SPAG17: variants seen among roughly 807,000 people sequenced by gnomAD.
SPAG17 encodes sperm associated antigen 17.
A neutral mutation model predicts 273.6 loss-of-function variants in SPAG17; 169 were observed. That is an observed-to-expected ratio of 0.62 (90% CI 0.55 to 0.70). The LOEUF is 0.70. Ranked by LOEUF, SPAG17 falls within the 30% of genes least tolerant of loss-of-function variation. SPAG17 has a pLI of 0.00. For synonymous variants in SPAG17, 825 were observed against 873.2 expected (o/e 0.94, Z 0.97); for missense variants, 2,557 against 2,627.8 (o/e 0.97, Z 0.59).
intron 1 of SPAG17, among the ~76,000 whole-genome samples, chr1:118,174,296 CAG>C (rs1373668353): frequency 1.3e-5 from 2 of 151,948 alleles, no homozygotes; most frequent in Non-Finnish European, 2.9e-5. Flanking sequence ...AGGGACCAAA[CAG>C]AAATTCATGA....
chr1:118,119,859 T>C (rs1054815783), intron 3 of SPAG17, among the ~76,000 whole-genome samples: 41 of 152,194 alleles, frequency 2.7e-4, no homozygotes, highest in Non-Finnish European at 5.0e-4. Flanking sequence ...ATACTATTCA[T>C]ATTAAGTGCT....
At chr1:118,008,720 T>C (rs980362364) in intron 30 of SPAG17, among the ~76,000 whole-genome samples, 7 of 152,314 alleles carry the variant, frequency 4.6e-5, no homozygotes, top group South Asian at 2.1e-4. Flanking sequence ...TATGTATTTA[T>C]GTAATTACTG....
At chr1:118,048,107 C>T (rs1171071596) in intron 20 of SPAG17, among the ~76,000 whole-genome samples, 2 of 152,100 alleles carry the variant, frequency 1.3e-5, no homozygotes, top group East Asian at 1.9e-4. Flanking sequence ...AGGCTGGTGC[C>T]GAAAGCCCCA....
At chr1:118,122,021 C>T (rs1657450277) in intron 3 of SPAG17, among the ~76,000 whole-genome samples, 1 of 151,972 alleles carries the variant, frequency 6.6e-6, no homozygotes, top group African/African-American at 2.4e-5. Flanking sequence ...GCTATGTTGC[C>T]ATATATTCTA....
chr1:117,962,134 T>C (rs937994941), intron 48 of SPAG17: 7 of 152,038 alleles, frequency 4.6e-5, no homozygotes, highest in Non-Finnish European at 7.4e-5. Flanking sequence ...AAAAGCCTGA[T>C]AGTGCTAGGG....
chr1:117,970,358 T>C (rs1654415871), intron 45 of SPAG17, among the ~76,000 whole-genome samples: 1 of 152,234 alleles, frequency 6.6e-6, no homozygotes, highest in South Asian at 2.1e-4. Context: ...TTCAACCCTT[T>C]GTTACTGGTT....
chr1:118,041,365 T>C (rs755049192), intron 21 of SPAG17, among the ~76,000 whole-genome samples: 2 of 151,910 alleles, frequency 1.3e-5, no homozygotes, highest in Non-Finnish European at 2.9e-5. Context: ...GTTTCCCTCA[T>C]AACAGCTAGC....
At chr1:118,170,536 G>T (rs1442980946) in intron 1 of SPAG17, among the ~76,000 whole-genome samples, 1 of 152,046 alleles carries the variant, frequency 6.6e-6, no homozygotes, top group African/African-American at 2.4e-5. Flanking sequence ...AAAAGAGAGA[G>T]ATAAGTCATC....
At chr1:117,957,019 A>T in intron 48 of SPAG17, 1 of 1,486,246 alleles carries the variant, frequency 6.7e-7, no homozygotes, top group Non-Finnish European at 9.0e-7. Flanking sequence ...TGACCATGTT[A>T]ACAACGTTAA....
chr1:118,072,061 C>T (rs1403862467), intron 17 of SPAG17, among the ~76,000 whole-genome samples: 1 of 152,046 alleles, frequency 6.6e-6, no homozygotes, highest in Non-Finnish European at 1.5e-5. Flanking sequence ...TAAAATCTTC[C>T]AGGGAGAGGA....
intron 3 of SPAG17, among the ~76,000 whole-genome samples, chr1:118,147,393 G>C (rs1260937543): frequency 2.6e-5 from 4 of 152,134 alleles, no homozygotes; most frequent in Admixed American, 2.6e-4. Context: ...GCCAGTGCAT[G>C]GGTTCATCTT....
chr1:118,035,179 A>T (rs1295366657), intron 24 of SPAG17, among the ~76,000 whole-genome samples: 1 of 152,162 alleles, frequency 6.6e-6, no homozygotes, highest in African/African-American at 2.4e-5. Context: ...TCAACTTTTT[A>T]AAAAAACATA....
At chr1:117,989,803 C>T (rs1332722725) in intron 38 of SPAG17, among the ~76,000 whole-genome samples, 2 of 151,960 alleles carry the variant, frequency 1.3e-5, no homozygotes, top group Non-Finnish European at 2.9e-5. Context: ...TGGTCTCCAA[C>T]ACCTGGGCTC....
At chr1:117,957,042 TTTTATA>T (rs767837564) in intron 48 of SPAG17, 14 of 1,535,050 alleles carry the variant, frequency 9.1e-6, no homozygotes, top group Admixed American at 2.2e-5. Context: ...AATGTGGCAT[TTTTATA>T]TTTATTTTTT....
At chr1:118,092,068 C>G (rs1655413112) in intron 8 of SPAG17, 66 bp from the exon 9 acceptor site, 1 of 1,339,930 alleles carries the variant, frequency 7.5e-7, no homozygotes, top group East Asian at 2.3e-5. Context: ...TCATCAAATG[C>G]TGGTATGATG....
chr1:117,973,701 T>A, intron 43 of SPAG17, 140 bp from the exon 44 acceptor site: 1 of 754,906 alleles, frequency 1.3e-6, no homozygotes, highest in Non-Finnish European at 1.9e-6. Context: ...TATTTATTTT[T>A]ATTTTAATTT....
intron 20 of SPAG17, among the ~76,000 whole-genome samples, chr1:118,050,408 C>A (rs1182094317): frequency 6.6e-6 from 1 of 152,140 alleles, no homozygotes; most frequent in Admixed American, 6.6e-5. Context: ...CAGTTGAATT[C>A]TTTCTTCTGA....
intron 1 of SPAG17, among the ~76,000 whole-genome samples, chr1:118,154,514 A>G (rs942306227): frequency 2.0e-5 from 3 of 152,200 alleles, no homozygotes; most frequent in Non-Finnish European, 1.5e-5. Context: ...TAAATAAGCA[A>G]TTCTCTGCAA....
At position 118,040,747 on chromosome 1, in the gene SPAG17, T is replaced by C. The variant is rs779303394; in HGVS notation, c.3149A>G (p.Lys1050Arg). ...AAATGTACCTTTTTCAAACATTGTC[T>C]TTTCCACTTCAATCTGCCCCCCATC... is the stretch of plus-strand genomic sequence containing the variant. The part of the protein sequence containing the change: ...PSDGGQIEVE[K>R]TMFEKGPTFI... Residue 1050 changes from lysine to arginine, a missense_variant, in exon 22 of 49, where the codon AAG becomes AGG. Physicochemically the swap from Lys to Arg is conservative, Grantham distance 26. Transcript: ENST00000336338. 2 of 1,596,838 alleles carry C rather than the reference T, an allele frequency of 1.3e-6. No homozygotes were observed. The highest frequency in any genetic ancestry group is 3.3e-5 in the Admixed American group (2 of 59,966).
Sources: gnomAD v4.1 joint callset for allele counts (sites outside exome capture counted in the v4.1 genomes callset) on GRCh38, gnomAD v4.1.1 for gene constraint, MANE v1.5 for transcripts, NCBI Gene and HGNC (gene_info 2026-07-23, HGNC 2026-07-21) for gene names.